Variants in LTBP1 observed in about 807,000 individuals in gnomAD.
LTBP1 encodes the protein latent transforming growth factor beta binding protein 1.
LTBP1 carries 129 observed loss-of-function variants against 207.6 expected under a neutral mutation model. The ratio of observed to expected loss-of-function variants is 0.62; its 90% CI spans 0.54 to 0.72. LTBP1 has a LOEUF of 0.72. Ranked by LOEUF, LTBP1 falls within the 30% of genes least tolerant of loss-of-function variation. The probability of loss-of-function intolerance (pLI) is 0.00; values close to 1 mark genes in which losing one functional copy is unlikely to be tolerated. For synonymous variants in LTBP1, 963 were observed against 833.7 expected, an observed-to-expected ratio of 1.16 and a Z score of -2.67; for missense variants, 2,281 against 2,217.2, an observed-to-expected ratio of 1.03 and a Z score of -0.58.
chr2:33,349,759 C>T (rs2094755028), intron 26 of LTBP1, among the ~76,000 whole-genome samples: 1 of 152,220 alleles, frequency 6.6e-6, no homozygotes, highest in East Asian at 1.9e-4. Context: ...CTAGAAACAG[C>T]TCTTCTGGTT....
At chr2:33,329,881 T>C (rs1156649133) in intron 24 of LTBP1, among the ~76,000 whole-genome samples, 1 of 152,088 alleles carries the variant, frequency 6.6e-6, no homozygotes, top group Non-Finnish European at 1.5e-5. Flanking sequence ...TGCATTTCTA[T>C]ATAAATTTTA....
chr2:33,096,885 A>T (rs2079429667), intron 3 of LTBP1, among the ~76,000 whole-genome samples: 1 of 152,146 alleles, frequency 6.6e-6, no homozygotes, highest in African/African-American at 2.4e-5. Context: ...CATCTCTTTA[A>T]AACAAATCAA....
chr2:33,189,325 AGCTG>A, intron 7 of LTBP1, among the ~76,000 whole-genome samples: 1 of 152,268 alleles, frequency 6.6e-6, no homozygotes, highest in African/African-American at 2.4e-5. Context: ...CCTCCTAAGT[AGCTG>A]GGATTATAGG....
intron 26 of LTBP1, among the ~76,000 whole-genome samples, chr2:33,354,683 T>TACAC (rs71409608): frequency 0.014 from 1,913 of 139,718 alleles, 15 homozygotes; most frequent in East Asian, 0.027. Context: ...ACTAAAACTA[T>TACAC]ACACACACAC....
intron 19 of LTBP1, among the ~76,000 whole-genome samples, chr2:33,287,940 A>G (rs1387377093): frequency 1.3e-5 from 2 of 152,162 alleles, no homozygotes; most frequent in African/African-American, 4.8e-5. Context: ...ATGTTCTTCC[A>G]TCTTCTTTAA....
chr2:33,059,748 G>A (rs219077), intron 3 of LTBP1, among the ~76,000 whole-genome samples: 89,047 of 151,996 alleles, frequency 0.59, 27,862 homozygotes, highest in East Asian at 0.98. Flanking sequence ...CCATGAAATA[G>A]TTATAGTAGA....
At chr2:33,090,641 AG>A (rs1173845905) in intron 3 of LTBP1, among the ~76,000 whole-genome samples, 1 of 152,114 alleles carries the variant, frequency 6.6e-6, no homozygotes, top group Non-Finnish European at 1.5e-5. Context: ...TTGTGTAACT[AG>A]GGGGTAGGGA....
At chr2:33,030,744 T>C (rs2075655138) in intron 3 of LTBP1, among the ~76,000 whole-genome samples, 1 of 152,250 alleles carries the variant, frequency 6.6e-6, no homozygotes, top group South Asian at 2.1e-4. Flanking sequence ...TCCTTTAATA[T>C]TTTAAGCAGA....
At chr2:33,086,410 A>G (rs1446967057) in intron 3 of LTBP1, among the ~76,000 whole-genome samples, 4 of 152,192 alleles carry the variant, frequency 2.6e-5, no homozygotes, top group Non-Finnish European at 5.9e-5. Context: ...CTTAACACCA[A>G]TTCCAGAATC....
chr2:33,378,931 T>C (rs2095178350), intron 31 of LTBP1, among the ~76,000 whole-genome samples: 1 of 152,200 alleles, frequency 6.6e-6, no homozygotes, highest in African/African-American at 2.4e-5. Context: ...ACCAGGTTCT[T>C]GTATTTACAA....
At position 33,160,659 on chromosome 2, in the gene LTBP1, T is replaced by C. The variant is rs2084383697; in HGVS notation, c.1201+25699T>C. On this transcript the variant is annotated intron_variant, in intron 5 of 33. Coordinates refer to ENST00000404816, the MANE Select transcript of LTBP1 (RefSeq NM_206943.4). The stretch of plus-strand genomic sequence containing the variant: ...CTCTGTTGAGAGTCACTAGATATTA[T>C]AGACAAGTACTATCAACTAGGTATT... 2.0e-5 allele frequency among the ~76,000 whole-genome samples: 3 copies of C among 152,224 alleles called. No homozygotes were observed. The South Asian group carries it at 6.2e-4, about 32-fold the overall frequency.
intron 23 of LTBP1, among the ~76,000 whole-genome samples, chr2:33,311,902 T>A (rs2149201748): frequency 6.6e-6 from 1 of 152,356 alleles, no homozygotes; most frequent in East Asian, 1.9e-4. Context: ...CATATATTCC[T>A]ATTTTCCAGA....
chr2:33,074,578 C>A (rs1281619650), intron 3 of LTBP1, among the ~76,000 whole-genome samples: 4 of 151,948 alleles, frequency 2.6e-5, no homozygotes, highest in Non-Finnish European at 5.9e-5. Flanking sequence ...ACTAAAAATA[C>A]AAAAATTAGG....
At chr2:33,315,054 T>C in intron 23 of LTBP1, 90 bp from the exon 24 acceptor site, 1 of 1,044,300 alleles carries the variant, frequency 9.6e-7, no homozygotes, top group Non-Finnish European at 1.4e-6. Flanking sequence ...TCCAGCCATG[T>C]CATAATAGAT....
At chr2:33,096,082 A>G (rs2079369808) in intron 3 of LTBP1, among the ~76,000 whole-genome samples, 1 of 152,162 alleles carries the variant, frequency 6.6e-6, no homozygotes. Context: ...TGGGCACTGC[A>G]TAATAAAACA....
rs374850870 is a variant in LTBP1 at position 33,072,663 on chromosome 2, A to G, written c.864-37919A>G. On this transcript the variant is annotated intron_variant, in intron 3 of 33. Transcript: ENST00000404816. ...AGAGAGATTTGTTTTTTGAGGACTA[A>G]AAGTGCCCCAACATGAGGTGATAAG... Among the ~76,000 whole-genome samples, 3 of 152,306 alleles carry G rather than the reference A, an allele frequency of 2.0e-5. No individual in the cohort carries two copies. In the South Asian group the frequency reaches 6.2e-4, roughly 32 times the overall value.
At chr2:32,995,172 G>A (rs1685060133) in intron 2 of LTBP1, among the ~76,000 whole-genome samples, 1 of 150,068 alleles carries the variant, frequency 6.7e-6, no homozygotes, top group South Asian at 2.1e-4. Context: ...AACAGTGTGA[G>A]ACCCTGTCTC....
intron 5 of LTBP1, among the ~76,000 whole-genome samples, chr2:33,176,623 A>G (rs1049831720): frequency 4.6e-5 from 7 of 152,196 alleles, no homozygotes; most frequent in African/African-American, 1.4e-4. Flanking sequence ...CAGAAATTCA[A>G]CAGCCCAGCA....
chr2:32,977,547 T>C (rs1251988654), intron 2 of LTBP1, among the ~76,000 whole-genome samples: 1 of 152,188 alleles, frequency 6.6e-6, no homozygotes, highest in Non-Finnish European at 1.5e-5. Flanking sequence ...GGTCCAAGGC[T>C]TGTATAGGTG....
Sources: gnomAD v4.1 joint callset for allele counts (sites outside exome capture counted in the v4.1 genomes callset) on GRCh38, gnomAD v4.1.1 for gene constraint, MANE v1.5 for transcripts, NCBI Gene and HGNC (gene_info 2026-07-23, HGNC 2026-07-21) for gene names.